The following NOX4 variants were observed in gnomAD, a reference collection of about 807,000 sequenced individuals.
The protein encoded by NOX4 is NADPH oxidase 4.
NOX4 carries 69 observed loss-of-function variants against 87.6 expected under a neutral mutation model. That is an observed-to-expected ratio of 0.79 (90% CI 0.65 to 0.96). The LOEUF (loss-of-function observed/expected upper bound fraction) is 0.96. Among genes scored for constraint, NOX4 ranks in the 40% least tolerant of loss-of-function variants. The pLI, the probability that NOX4 is intolerant of heterozygous loss-of-function variation, is 0.00. For missense variants in NOX4, 680 were observed against 681.5 expected, an observed-to-expected ratio of 1.00 and a Z score of 0.02; for synonymous variants, 275 against 238.2, an observed-to-expected ratio of 1.15 and a Z score of -1.42.
chr11:89,519,929 C>A, the NOX4 span, among the ~76,000 whole-genome samples: 23,995 of 151,834 alleles, frequency 0.16, 2,483 homozygotes, highest in Admixed American at 0.26. Flanking sequence ...AAGAAAGCAT[C>A]ATTCTCTCTC....
chr11:89,543,259 A>T, the NOX4 span, among the ~76,000 whole-genome samples: 5 of 152,318 alleles, frequency 3.3e-5, no homozygotes, highest in East Asian at 9.6e-4. Flanking sequence ...CTTGTCAAGA[A>T]TTGACAAGAT....
At chr11:89,480,096 C>T (rs1591357512) in intron 2 of NOX4, among the ~76,000 whole-genome samples, 2 of 152,122 alleles carry the variant, frequency 1.3e-5, no homozygotes, top group East Asian at 3.9e-4. Flanking sequence ...GTAACTGGAC[C>T]TGCGCAGTTC....
the NOX4 span, among the ~76,000 whole-genome samples, chr11:89,515,337 T>C: frequency 1.3e-5 from 2 of 151,980 alleles, no homozygotes; most frequent in African/African-American, 4.8e-5. Flanking sequence ...CTTTTTCATA[T>C]GTTTATGGCT....
chr11:89,536,817 T>C, the NOX4 span, among the ~76,000 whole-genome samples: 1 of 152,128 alleles, frequency 6.6e-6, no homozygotes, highest in Non-Finnish European at 1.5e-5. Context: ...AAAATAAGAT[T>C]TGGAGAGGTT....
chr11:89,352,087 TAGAC>T (rs531536785), intron 13 of NOX4, among the ~76,000 whole-genome samples: 161 of 152,254 alleles, frequency 1.1e-3, no homozygotes, highest in Non-Finnish European at 2.1e-3. Flanking sequence ...TATGGAATGA[TAGAC>T]AGTGGAGACT....
At chr11:89,566,673 T>A in the NOX4 span, among the ~76,000 whole-genome samples, 1 of 152,122 alleles carries the variant, frequency 6.6e-6, no homozygotes, top group South Asian at 2.1e-4. Context: ...CAGACCATCA[T>A]GAAGTCCAGT....
chr11:89,584,532 T>C, the NOX4 span, among the ~76,000 whole-genome samples: 6 of 152,314 alleles, frequency 3.9e-5, no homozygotes, highest in African/African-American at 1.2e-4. Context: ...AGATGATAAA[T>C]ATACTGCTGA....
At chr11:89,517,150 G>T in the NOX4 span, among the ~76,000 whole-genome samples, 1 of 151,998 alleles carries the variant, frequency 6.6e-6, no homozygotes, top group East Asian at 1.9e-4. Flanking sequence ...TGTTATTCAA[G>T]TCATAACTGT....
At chr11:89,557,939 A>AG in the NOX4 span, among the ~76,000 whole-genome samples, 14 of 152,098 alleles carry the variant, frequency 9.2e-5, no homozygotes, top group Non-Finnish European at 1.8e-4. Flanking sequence ...GAAGAAAAGG[A>AG]GGAGAGATTT....
At chr11:89,511,339 G>C in the NOX4 span, among the ~76,000 whole-genome samples, 1 of 151,742 alleles carries the variant, frequency 6.6e-6, no homozygotes, top group African/African-American at 2.4e-5. Context: ...GACTAAAACT[G>C]ATTATTCCAG....
At chr11:89,362,846 A>G (rs1591025756) in intron 12 of NOX4, among the ~76,000 whole-genome samples, 1 of 152,196 alleles carries the variant, frequency 6.6e-6, no homozygotes, top group Non-Finnish European at 1.5e-5. Context: ...CTTGAAATAG[A>G]AGGTACAAAT....
At chr11:89,395,853 A>G (rs1368651269) in intron 11 of NOX4, among the ~76,000 whole-genome samples, 1 of 151,958 alleles carries the variant, frequency 6.6e-6, no homozygotes, top group Non-Finnish European at 1.5e-5. Context: ...GTTCTGTTCC[A>G]TTGGTCTATA....
At chr11:89,341,959 C>T in intron 14 of NOX4, 115 bp downstream of exon 14, 1 of 931,106 alleles carries the variant, frequency 1.1e-6, no homozygotes, top group Non-Finnish European at 1.6e-6. Context: ...AAATGGAGGT[C>T]CTTGATCAAC....
intron 2 of NOX4, among the ~76,000 whole-genome samples, chr11:89,459,098 T>C (rs769922708): frequency 2.0e-5 from 3 of 152,188 alleles, no homozygotes; most frequent in Non-Finnish European, 4.4e-5. Flanking sequence ...ATATGGTGTA[T>C]ACATATACCA....
At chr11:89,369,214 G>A (rs1284113405) in intron 12 of NOX4, among the ~76,000 whole-genome samples, 1 of 152,022 alleles carries the variant, frequency 6.6e-6, no homozygotes, top group Non-Finnish European at 1.5e-5. Context: ...TGACTCAGGT[G>A]AGGGAAGAAG....
chr11:89,568,771 A>G, the NOX4 span, among the ~76,000 whole-genome samples: 11 of 152,342 alleles, frequency 7.2e-5, no homozygotes, highest in South Asian at 2.1e-4. Flanking sequence ...ACACTCTACT[A>G]CAAGGCAACA....
intron 8 of NOX4, among the ~76,000 whole-genome samples, chr11:89,405,955 T>A (rs1339693364): frequency 6.6e-6 from 1 of 152,020 alleles, no homozygotes; most frequent in Non-Finnish European, 1.5e-5. Context: ...ATCTTTAAAT[T>A]GAAGACCAAT....
chr11:89,488,471 C>G (rs562209203), intron 2 of NOX4, among the ~76,000 whole-genome samples: 19 of 151,922 alleles, frequency 1.3e-4, no homozygotes, highest in Non-Finnish European at 2.5e-4. Context: ...GACTTACCAC[C>G]AAATTAAATT....
At chr11:89,507,822 A>G in the NOX4 span, among the ~76,000 whole-genome samples, 4 of 151,948 alleles carry the variant, frequency 2.6e-5, no homozygotes, top group Admixed American at 2.0e-4. Context: ...GGGAATTACT[A>G]TTTACCACCA....
Sources: gnomAD v4.1 joint callset for allele counts (sites outside exome capture counted in the v4.1 genomes callset) on GRCh38, gnomAD v4.1.1 for gene constraint, MANE v1.5 for transcripts, NCBI Gene and HGNC (gene_info 2026-07-23, HGNC 2026-07-21) for gene names.